The following FGFRL1 variants were observed in gnomAD, a reference collection of about 807,000 sequenced individuals.
FGFRL1 encodes fibroblast growth factor receptor like 1.
Under a neutral mutation model 36.8 loss-of-function variants are expected in FGFRL1, and 24 were observed. The observed-to-expected ratio is 0.65, with a 90% CI of 0.47 to 0.92. The LOEUF (loss-of-function observed/expected upper bound fraction) is 0.92, where lower values mean the gene tolerates loss of function less well. Ranked by LOEUF, FGFRL1 falls within the 40% of genes least tolerant of loss-of-function variation. The pLI is 0.00. For missense variants in FGFRL1, 785 were observed against 753.4 expected (o/e 1.04, Z -0.49); for synonymous variants, 422 against 344.1 (o/e 1.23, Z -2.50).
rs1274693849 is a variant in FGFRL1 at position 1,012,558 on chromosome 4, G to T, written c.73G>T (p.Ala25Ser). The stretch of plus-strand genomic sequence containing the variant: ...GGGGGCCTTCCCGCCGGCCGCCGCC[G>T]CCCGAGGTGAGTTCTGGCGCCCAGC... Reference protein sequence around the residue: ...LLGAFPPAAAARGPPKMADKV... With the variant: ...LLGAFPPAAASRGPPKMADKV... Residue 25 changes from alanine (A) to serine (S), a missense_variant, in exon 2 of 7, where the codon GCC becomes TCC. Physicochemically the swap from Ala to Ser is moderately conservative, Grantham distance 99. Coordinates refer to ENST00000510644, the MANE Select transcript of FGFRL1 (RefSeq NM_001004356.3). The T allele has an allele frequency of 1.4e-6, 2 of 1,435,772 alleles. No homozygotes were observed. Among genetic ancestry groups the T allele is most frequent in the East Asian group, 5.8e-5 (2 of 34,564 alleles). The allele number at this position is 1,435,772 out of a possible 1,614,324, so 88.9% of individuals were successfully genotyped here. A position where few individuals can be genotyped will look rare whatever the true frequency, so the allele number is the denominator to read the frequency against.
intron 2 of FGFRL1, among the ~76,000 whole-genome samples, chr4:1,019,665 G>C (rs1716070885): frequency 6.6e-6 from 1 of 152,200 alleles, no homozygotes; most frequent in South Asian, 2.1e-4. Flanking sequence ...CACTGAGGGG[G>C]TGGTGGGCTG....
chr4:1,016,093 C>T (rs1039470691), intron 2 of FGFRL1, among the ~76,000 whole-genome samples: 1 of 152,222 alleles, frequency 6.6e-6, no homozygotes, highest in Non-Finnish European at 1.5e-5. Flanking sequence ...AGCAAGGGCC[C>T]CTGACCTGGT....
intron 2 of FGFRL1, among the ~76,000 whole-genome samples, chr4:1,017,292 G>C (rs1715940409): frequency 6.6e-6 from 1 of 152,192 alleles, no homozygotes; most frequent in African/African-American, 2.4e-5. Flanking sequence ...TCGGCTGCCA[G>C]GACGCTCTTG....
chr4:1,020,097 A>G (rs1716091677), intron 2 of FGFRL1, among the ~76,000 whole-genome samples: 1 of 152,234 alleles, frequency 6.6e-6, no homozygotes, highest in Non-Finnish European at 1.5e-5. Flanking sequence ...CTTGGGGGTC[A>G]GAATGGGAGC....
chr4:1,014,268 ACTG>A (rs907802955), intron 2 of FGFRL1, among the ~76,000 whole-genome samples: 3 of 150,114 alleles, frequency 2.0e-5, no homozygotes, highest in Non-Finnish European at 4.4e-5. Flanking sequence ...TTTGTCTTAA[ACTG>A]CTTTTTTTTT....
chr4:1,015,757 C>T (rs1577558432), intron 2 of FGFRL1, among the ~76,000 whole-genome samples: 1 of 152,356 alleles, frequency 6.6e-6, no homozygotes, highest in East Asian at 1.9e-4. Context: ...CACGGTGACA[C>T]CCTCTGGGCT....
rs771569482 is a variant in FGFRL1 at position 1,018,750 on chromosome 4, C to T, written c.80-3453C>T. 3.3e-5 allele frequency among the ~76,000 whole-genome samples: 5 copies of T among 152,322 alleles called. No individual in the cohort carries two copies. The South Asian group carries it at 6.2e-4, about 19-fold the overall frequency. On this transcript the variant is annotated intron_variant, in intron 2 of 6. Transcript: ENST00000510644. ...TTCCCCATAGGCTGCGTGGGTTGGA[C>T]GCCCGTCCAGGTGGCGTGGTGCCCT...
Position 1,023,174 on chromosome 4 carries a change from G to A in FGFRL1, c.353-467G>A, listed in dbSNP as rs1008731793. On this transcript the variant is annotated intron_variant, in intron 3 of 6. Transcript: ENST00000510644. The surrounding 1 kb of genome is among the most constrained non-coding windows in gnomAD (Gnocchi z 6.0). The stretch of plus-strand genomic sequence containing the variant: ...CGGCTGTCACAGGGTGGATGGAGGG[G>A]ACATTCCACAGCACGCCCTGCCCCT... Among the ~76,000 whole-genome samples the A allele has an allele frequency of 7.9e-5, 12 of 152,152 alleles. No homozygotes were observed. The highest frequency in any genetic ancestry group is 2.7e-4 in the African/African-American group (11 of 41,438).
intron 2 of FGFRL1, among the ~76,000 whole-genome samples, chr4:1,016,031 G>A (rs926541114): frequency 1.7e-4 from 26 of 152,312 alleles, no homozygotes; most frequent in South Asian, 1.0e-3. Flanking sequence ...GGACAGGCCC[G>A]GTGCCCTCCT....
rs1395581911 is a variant in FGFRL1 at position 1,025,298 on chromosome 4, ACT to A, written c.1468_1469del (p.Ser490ThrfsTer61). ...CACACACACACACACTCTCACACAC[ACT>A]CACACGTGGAGGGCAAGGTCCACCA... On this transcript the variant is annotated frameshift_variant, in exon 7 of 7. Coordinates refer to ENST00000510644, the MANE Select transcript of FGFRL1 (RefSeq NM_001004356.3). LOFTEE classifies it high-confidence loss of function. 2 of 1,572,510 alleles carry A rather than the reference ACT, an allele frequency of 1.3e-6. No homozygotes were observed. The highest frequency in any genetic ancestry group is 1.9e-5 in the Admixed American group (1 of 54,034).
At chr4:1,019,897 C>T (rs887941374) in intron 2 of FGFRL1, among the ~76,000 whole-genome samples, 10 of 152,230 alleles carry the variant, frequency 6.6e-5, no homozygotes, top group African/African-American at 2.4e-4. Context: ...CCTCCAGAGC[C>T]TCAGCCCACC....
At chr4:1,013,677 G>C (rs1439570135) in intron 2 of FGFRL1, among the ~76,000 whole-genome samples, 1 of 152,286 alleles carries the variant, frequency 6.6e-6, no homozygotes, top group East Asian at 1.9e-4. Flanking sequence ...TCTTTGATCT[G>C]TTTGGCCTCC....
chr4:1,015,429 C>T (rs1010682327), intron 2 of FGFRL1, among the ~76,000 whole-genome samples: 7 of 152,144 alleles, frequency 4.6e-5, no homozygotes, highest in Non-Finnish European at 7.4e-5. Flanking sequence ...CAAGGTGGGC[C>T]GCAGCCCCAG....
chr4:1,025,917 CATG>C lies in FGFRL1; in HGVS notation c.*571_*573del. 1 of 165,844 alleles carries C rather than the reference CATG, an allele frequency of 6.0e-6. No homozygotes were observed. Among genetic ancestry groups the C allele is most frequent in the Non-Finnish European group, 1.3e-5 (1 of 76,906 alleles). 10.3% of individuals were successfully genotyped at this position (165,844 alleles called of 1,614,324 possible). ...GATATGCTGTCTGGACACGCACACACATGCAGATATGCTGCCTGGACACACACT... is the reference window on the plus strand; with the variant it reads ...GATATGCTGTCTGGACACGCACACACCAGATATGCTGCCTGGACACACACT... On this transcript the variant is annotated 3_prime_UTR_variant, in exon 7 of 7. Transcript: ENST00000510644.
rs1361439791 is a variant in FGFRL1, at chr4:1,011,768, C to G, written c.-203C>G. The G allele has an allele frequency of 1.4e-5, 2 of 142,322 alleles. No individual in the cohort carries two copies. Among genetic ancestry groups the G allele is most frequent in the Admixed American group, 6.9e-5 (1 of 14,450 alleles). The allele number at this position is 142,322 out of a possible 1,614,324, so 8.8% of individuals were successfully genotyped here. On this transcript the variant is annotated 5_prime_UTR_variant, in exon 1 of 7. Transcript: ENST00000510644. ...CTGCCCGGTCCGGGACCCCGCGCCC[C>G]GAGCGCCCGAGCCCGGACCCCGACC...
intron 1 of FGFRL1, 158 bp from the exon 2 acceptor site, chr4:1,012,312 C>A (rs546665912): frequency 1.9e-5 from 13 of 699,138 alleles, no homozygotes; most frequent in Middle Eastern, 3.0e-4. Context: ...GCCTTTGATA[C>A]CCACAGCTTC....
intron 3 of FGFRL1, among the ~76,000 whole-genome samples, chr4:1,022,858 T>C (rs987202552): frequency 6.6e-6 from 1 of 151,960 alleles, no homozygotes; most frequent in African/African-American, 2.4e-5. Context: ...GTGGCCTTTC[T>C]GTTCTCTTCT....
intron 3 of FGFRL1, among the ~76,000 whole-genome samples, chr4:1,022,832 G>A (rs1225317494): frequency 6.6e-6 from 1 of 152,190 alleles, no homozygotes; most frequent in Admixed American, 6.5e-5. Flanking sequence ...GGAGTTCAGA[G>A]GAGCCGCCGG....
chr4:1,015,635 A>G (rs1287723524), intron 2 of FGFRL1, among the ~76,000 whole-genome samples: 1 of 152,192 alleles, frequency 6.6e-6, no homozygotes, highest in Non-Finnish European at 1.5e-5. Context: ...AGAAGGCTCA[A>G]TTACTTCTTG....
Sources: gnomAD v4.1 joint callset for allele counts (sites outside exome capture counted in the v4.1 genomes callset) on GRCh38, gnomAD v4.1.1 for gene constraint, Gnocchi (gnomAD v3.1) non-coding constraint, MANE v1.5 for transcripts, NCBI Gene and HGNC (gene_info 2026-07-23, HGNC 2026-07-21) for gene names.